The following PROZ variants were observed in gnomAD, a reference collection of about 807,000 sequenced individuals.
PROZ encodes the protein protein Z, vitamin K dependent plasma glycoprotein, also known as vitamin K-dependent protein Z.
A neutral mutation model predicts 34.9 loss-of-function variants in PROZ; 46 were observed. The ratio of observed to expected loss-of-function variants is 1.32; its 90% confidence interval spans 1.04 to 1.69. PROZ has a LOEUF of 1.69. Ranked by LOEUF, PROZ falls within the 40% of genes most tolerant of loss-of-function variation. The pLI is 0.00. For synonymous variants in PROZ, 195 were observed against 208.5 expected (o/e 0.94, Z 0.56); for missense variants, 530 against 520.4 (o/e 1.02, Z -0.18).
intron 3 of PROZ, 132 bp downstream of exon 3, chr13:113,161,104 C>A: frequency 1.2e-6 from 1 of 829,146 alleles, no homozygotes; most frequent in Non-Finnish European, 2.1e-6. Flanking sequence ...GGTGTCTCTC[C>A]AGGGAAGGGC....
chr13:113,160,289 G>A (rs1195939662), intron 2 of PROZ, 112 bp downstream of exon 2: 10 of 1,325,058 alleles, frequency 7.5e-6, no homozygotes, highest in African/African-American at 1.4e-5. Flanking sequence ...TTTACTTACC[G>A]ATGAGGTTGA....
chr13:113,161,038 A>AG, intron 3 of PROZ, 66 bp downstream of exon 3: 1 of 1,438,006 alleles, frequency 7.0e-7, no homozygotes, highest in Non-Finnish European at 9.8e-7. Flanking sequence ...GGGTGGGCTT[A>AG]GGACGCTTCA....
chr13:113,161,445 T>C (rs1043359583), intron 3 of PROZ, among the ~76,000 whole-genome samples: 1 of 151,710 alleles, frequency 6.6e-6, no homozygotes, highest in Non-Finnish European at 1.5e-5. Flanking sequence ...GTAACACAGA[T>C]GGAGACCCAC....
At chr13:113,164,749 G>A in intron 5 of PROZ, 105 bp downstream of exon 5, 1 of 1,528,860 alleles carries the variant, frequency 6.5e-7, no homozygotes, top group Non-Finnish European at 8.9e-7. Context: ...TTTGTGATAA[G>A]CAGTTGCCAC....
At position 113,159,934 on chromosome 13, in the gene PROZ, G is replaced by A. The variant is rs3024777; in HGVS notation, c.71-80G>A. 12,933 of 1,563,050 alleles carry A rather than the reference G, an allele frequency of 8.3e-3. 61 individuals are homozygous for A. The highest frequency in any genetic ancestry group is 0.01 in the Non-Finnish European group (11,691 of 1,136,278). ...ACGGACGGGGCTGGGGCTGGCGGCC[G>A]GCCGGGGAGGAAGCCAGGCAGCTCT... On this transcript the variant is annotated intron_variant, in intron 1 of 7. Coordinates refer to ENST00000375547, the MANE Select transcript of PROZ (RefSeq NM_003891.3). The surrounding 1 kb of genome is among the most constrained non-coding windows in gnomAD (Gnocchi z 4.6).
rs1215745217 is a variant in PROZ at position 113,161,741 on chromosome 13, T to TCCC, written c.259+769_259+770insCCC. Reference sequence around the variant, plus strand: ...GCAGCATGAGCAGGCTCAGTCCCCATTCCTGCCACCCCCTGCCCCCCCGTC... The same window carrying TCCC: ...GCAGCATGAGCAGGCTCAGTCCCCATCCCTCCTGCCACCCCCTGCCCCCCCGTC... On this transcript the variant is annotated intron_variant, in intron 3 of 7. Coordinates refer to ENST00000375547, the MANE Select transcript of PROZ (RefSeq NM_003891.3). Among the ~76,000 whole-genome samples, 42 of 149,462 alleles carry TCCC rather than the reference T, an allele frequency of 2.8e-4. 4 individuals carry two copies. The highest frequency in any genetic ancestry group is 4.9e-4 in the Non-Finnish European group (33 of 67,116).
rs972209253 is a variant in PROZ at position 113,171,359 on chromosome 13, G to A, written c.692-235G>A. Among the ~76,000 whole-genome samples the A allele has an allele frequency of 6.6e-6, 1 of 152,136 alleles. No homozygotes were observed. The highest frequency in any genetic ancestry group is 2.4e-5 in the African/African-American group (1 of 41,414). ...CCACACCCCACTGCACTCCAAAACA[G>A]AAGAACTAACCTTGACTGTTTTTAA... On this transcript the variant is annotated intron_variant, in intron 7 of 7. Transcript: ENST00000375547. This position sits in a 1 kb window ranked among gnomAD's most constrained non-coding sequence, Gnocchi z 5.1.
intron 6 of PROZ, among the ~76,000 whole-genome samples, chr13:113,169,162 T>C (rs1438293500): frequency 1.3e-5 from 2 of 152,236 alleles, no homozygotes; most frequent in Admixed American, 1.3e-4. Flanking sequence ...CTCCGTTCTC[T>C]CCGTGTTTTA....
intron 6 of PROZ, 112 bp downstream of exon 6, chr13:113,165,232 TG>T (rs1186041459): frequency 7.0e-6 from 8 of 1,142,760 alleles, no homozygotes; most frequent in East Asian, 2.5e-5. Flanking sequence ...CTGACTTTGA[TG>T]GGCTACTGAC....
At chr13:113,169,302 T>C (rs965166078) in intron 6 of PROZ, among the ~76,000 whole-genome samples, 2 of 152,238 alleles carry the variant, frequency 1.3e-5, no homozygotes, top group Non-Finnish European at 2.9e-5. Flanking sequence ...AAAATTTAAT[T>C]TAGGTTTTTA....
chr13:113,165,937 CT>C (rs2036918115), intron 6 of PROZ, among the ~76,000 whole-genome samples: 1 of 152,228 alleles, frequency 6.6e-6, no homozygotes, highest in Non-Finnish European at 1.5e-5. Context: ...TTCCCAGCAC[CT>C]CATTCTGGGT....
intron 6 of PROZ, among the ~76,000 whole-genome samples, chr13:113,168,465 C>T (rs2037012891): frequency 6.6e-6 from 1 of 152,268 alleles, no homozygotes; most frequent in Admixed American, 6.5e-5. Flanking sequence ...CCTCTCTGCA[C>T]TTGGGCCTGC....
rs987791377 is a variant in PROZ, at chr13:113,172,242, C to G, written c.*137C>G. 2.4e-6 allele frequency: 3 copies of G among 1,254,188 alleles called. No homozygotes were observed. The highest frequency in any genetic ancestry group is 2.6e-5 in the South Asian group (2 of 77,086). The allele number at this position is 1,254,188 out of a possible 1,614,324, so 77.7% of individuals were successfully genotyped here. The stretch of plus-strand genomic sequence containing the variant: ...CCCCAGACCACCCGCTTGGCCCACG[C>G]AGCAGCAGAGCCGCCGTTTGCTGGG... On this transcript the variant is annotated 3_prime_UTR_variant, in exon 8 of 8. Transcript: ENST00000375547.
intron 6 of PROZ, 194 bp downstream of exon 6, chr13:113,165,314 CA>C: frequency 1.5e-6 from 1 of 668,138 alleles, no homozygotes; most frequent in South Asian, 1.7e-5. Flanking sequence ...TACAAAAGGA[CA>C]GCATTATTTA....
Position 113,170,634 on chromosome 13 carries a change from T to C in PROZ, c.691+104T>C, listed in dbSNP as rs139048154. The C allele has an allele frequency of 8.1e-5, 62 of 762,566 alleles. No homozygotes were observed. The East Asian group carries it at 1.2e-3, about 14-fold the overall frequency. 47.2% of individuals were successfully genotyped at this position (762,566 alleles called of 1,614,324 possible). On this transcript the variant is annotated intron_variant, in intron 7 of 7. Coordinates refer to ENST00000375547, the MANE Select transcript of PROZ (RefSeq NM_003891.3). The stretch of plus-strand genomic sequence containing the variant: ...AAACTGGACTGTTTCTAATGCAACA[T>C]AGAACTGAATTTACTGTCAATAAAA...
rs780949751 is a variant in PROZ at position 113,171,606 on chromosome 13, C to G, written c.704C>G (p.Thr235Arg). The G allele has an allele frequency of 6.2e-7, 1 of 1,614,086 alleles. No homozygotes were observed. The highest frequency in any genetic ancestry group is 8.5e-7 in the Non-Finnish European group (1 of 1,180,038). The change falls in exon 8 of 8, where the codon ACG (threonine) becomes AGG (arginine). Residue 235 changes from threonine to arginine, a missense_variant. Physicochemically the swap from Thr to Arg is moderately conservative, Grantham distance 71. Coordinates refer to ENST00000375547, the MANE Select transcript of PROZ (RefSeq NM_003891.3). This position sits in a 1 kb window ranked among gnomAD's most constrained non-coding sequence, Gnocchi z 5.1. ...TTCATGATTTCAGATTTTAACAGAA[C>G]GAGCCAAGACCCGCTGATGATCAAG... is the stretch of plus-strand genomic sequence containing the variant. ...NITVKTYFNR[T>R]SQDPLMIKIT... is the part of the protein sequence containing the mutation.
In PROZ at chr13:113,162,998, T is replaced by G. The variant is rs528254247; in HGVS notation, c.260-11T>G. The G allele has an allele frequency of 2.7e-5, 28 of 1,044,134 alleles. No individual in the cohort carries two copies. The highest frequency in any genetic ancestry group is 3.5e-5 in the Non-Finnish European group (28 of 797,286). The allele number at this position is 1,044,134 out of a possible 1,614,324, so 64.7% of individuals were successfully genotyped here. On this transcript the variant is annotated splice_polypyrimidine_tract_variant and intron_variant, in intron 3 of 7. Transcript: ENST00000375547. Reference sequence around the variant, plus strand: ...GTCACCACCACCCCAACCCCCATCCTCCTCCTGCAGGCGGCTCCCCGTGCA... The same window carrying G: ...GTCACCACCACCCCAACCCCCATCCGCCTCCTGCAGGCGGCTCCCCGTGCA...
chr13:113,171,737 C>G lies in PROZ; in HGVS notation c.835C>G (p.Pro279Ala), dbSNP rs750881073. 2 of 1,612,018 alleles carry G rather than the reference C, an allele frequency of 1.2e-6. No individual in the cohort carries two copies. Among genetic ancestry groups the G allele is most frequent in the African/African-American group, 2.7e-5 (2 of 74,918 alleles). ...CATCCAGTGCCCAGGTGCGGGGCTC[C>G]CCGTGTGCACCCCTGAGAAAGACTT... is the stretch of plus-strand genomic sequence containing the variant. ...WPIQCPGAGL[P>A]VCTPEKDFAE... The change falls in exon 8 of 8, where the codon CCC becomes GCC. Residue 279 changes from proline to alanine, a missense_variant. Physicochemically the swap from Pro to Ala is conservative, Grantham distance 27. Coordinates refer to ENST00000375547, the MANE Select transcript of PROZ (RefSeq NM_003891.3). This position sits in a 1 kb window ranked among gnomAD's most constrained non-coding sequence, Gnocchi z 5.1.
intron 6 of PROZ, among the ~76,000 whole-genome samples, chr13:113,165,535 G>C (rs2036900775): frequency 6.6e-6 from 1 of 152,148 alleles, no homozygotes; most frequent in Non-Finnish European, 1.5e-5. Flanking sequence ...ATTTGTTTTT[G>C]GTTTGTTTTT....
Sources: gnomAD v4.1 joint callset for allele counts (sites outside exome capture counted in the v4.1 genomes callset) on GRCh38, gnomAD v4.1.1 for gene constraint, Gnocchi (gnomAD v3.1) non-coding constraint, MANE v1.5 for transcripts, NCBI Gene and HGNC (gene_info 2026-07-23, HGNC 2026-07-21) for gene names.